RANBP2: variants seen among roughly 807,000 people sequenced by gnomAD.
RANBP2 encodes RAN binding protein 2.
A neutral mutation model predicts 303.6 loss-of-function variants in RANBP2; 57 were observed. The ratio of observed to expected loss-of-function variants is 0.19; its 90% CI spans 0.15 to 0.23. The LOEUF (loss-of-function observed/expected upper bound fraction) is 0.23, where lower values mean the gene tolerates loss of function less well. RANBP2 is among the 10% of genes least tolerant of loss of function. RANBP2 has a pLI of 1.00. For missense variants in RANBP2, 3,138 were observed against 3,780.8 expected (o/e 0.83, Z 4.46); for synonymous variants, 1,167 against 1,301.5 (o/e 0.90, Z 2.23).
At chr2:108,968,519 A>G in the RANBP2 span, among the ~76,000 whole-genome samples, 1 of 152,168 alleles carries the variant, frequency 6.6e-6, no homozygotes, top group Non-Finnish European at 1.5e-5. Flanking sequence ...CTTGTTGAGA[A>G]TTGGAGCAGA....
the RANBP2 span, among the ~76,000 whole-genome samples, chr2:109,361,155 T>C: frequency 6.6e-6 from 1 of 152,240 alleles, no homozygotes; most frequent in African/African-American, 2.4e-5. Flanking sequence ...TGAGCCAGCC[T>C]TGCATACCTG....
At chr2:109,130,118 G>A in the RANBP2 span, 18 of 1,302,008 alleles carry the variant, frequency 1.4e-5, no homozygotes, top group Non-Finnish European at 1.7e-5. Flanking sequence ...GCAAAGGTGA[G>A]TATCTGTCTC....
At chr2:109,422,646 C>T in the RANBP2 span, among the ~76,000 whole-genome samples, 2 of 152,136 alleles carry the variant, frequency 1.3e-5, no homozygotes, top group Non-Finnish European at 2.9e-5. Flanking sequence ...TCTGGCAGAC[C>T]TGCTGTGATT....
downstream of RANBP2, chr2:108,789,097 G>A (rs1436365128): frequency 4.0e-6 from 3 of 756,346 alleles, no homozygotes; most frequent in Admixed American, 8.8e-5. Context: ...GCAGTCTGGA[G>A]CCTGCTAAAT....
intron 25 of RANBP2, among the ~76,000 whole-genome samples, chr2:108,779,499 C>G (rs1678096393): frequency 1.3e-5 from 2 of 152,048 alleles, no homozygotes; most frequent in Non-Finnish European, 2.9e-5. Flanking sequence ...TTTTTCCCCT[C>G]CATTAAATCT....
At chr2:108,855,058 T>C in the RANBP2 span, among the ~76,000 whole-genome samples, 5 of 152,266 alleles carry the variant, frequency 3.3e-5, no homozygotes, top group South Asian at 8.3e-4. Flanking sequence ...CTGAATAATA[T>C]AGCATTTATA....
chr2:108,809,694 T>C, the RANBP2 span, among the ~76,000 whole-genome samples: 4 of 152,228 alleles, frequency 2.6e-5, no homozygotes, highest in Non-Finnish European at 5.9e-5. Flanking sequence ...CCTTCAACTT[T>C]ACCAAATTTA....
chr2:108,907,819 C>A, the RANBP2 span: 13 of 1,609,670 alleles, frequency 8.1e-6, no homozygotes, highest in African/African-American at 1.3e-5. Flanking sequence ...TGTGAGGGAG[C>A]CACATCTCAC....
At chr2:109,478,556 A>G in the RANBP2 span, among the ~76,000 whole-genome samples, 3 of 152,186 alleles carry the variant, frequency 2.0e-5, no homozygotes, top group African/African-American at 7.2e-5. Context: ...ATTCTTCTCT[A>G]TTATTTGGAT....
chr2:109,694,393 G>A, the RANBP2 span, among the ~76,000 whole-genome samples: 1 of 148,278 alleles, frequency 6.7e-6, no homozygotes, highest in South Asian at 2.1e-4. Flanking sequence ...AGAGCTGTGA[G>A]CCAACTAAAC....
chr2:109,593,040 G>T, the RANBP2 span: 1 of 1,560,554 alleles, frequency 6.4e-7, no homozygotes, highest in Non-Finnish European at 8.7e-7. Context: ...CTATTTAAAA[G>T]ACATACTCAC....
In RANBP2 at chr2:108,751,941, C is replaced by T. The variant is rs1675916733; in HGVS notation, c.1702C>T (p.His568Tyr). 3 of 1,611,872 alleles carry T rather than the reference C, an allele frequency of 1.9e-6. No individual in the cohort carries two copies. Among genetic ancestry groups the T allele is most frequent in the Non-Finnish European group, 2.5e-6 (3 of 1,179,866 alleles). ...EINTLRAQEK[H>Y]GLQPALLVHW... ...AAACACTCTAAGAGCCCAGGAAAAA[C>T]ATGGCCTTCAACCTGCTCTGCTTGT... The change falls in exon 12 of 29, where the codon CAT becomes TAT. Residue 568 changes from histidine to tyrosine, a missense_variant. Coordinates refer to ENST00000283195, the MANE Select transcript of RANBP2 (RefSeq NM_006267.5).
At chr2:109,085,494 G>A in the RANBP2 span, among the ~76,000 whole-genome samples, 1 of 151,558 alleles carries the variant, frequency 6.6e-6, no homozygotes, top group Non-Finnish European at 1.5e-5. Flanking sequence ...TAGTAGAGAT[G>A]GGATTTCACC....
the RANBP2 span, among the ~76,000 whole-genome samples, chr2:109,727,384 A>G: frequency 6.6e-6 from 1 of 152,154 alleles, no homozygotes; most frequent in Non-Finnish European, 1.5e-5. Flanking sequence ...AGATGGGAAA[A>G]TGAAGGTCAA....
At chr2:109,553,111 G>A in the RANBP2 span, 1 of 1,612,866 alleles carries the variant, frequency 6.2e-7, no homozygotes, top group East Asian at 2.2e-5. Flanking sequence ...CTTTCAATAT[G>A]GCTTCTTTCT....
At chr2:108,926,223 A>G in the RANBP2 span, among the ~76,000 whole-genome samples, 1 of 152,152 alleles carries the variant, frequency 6.6e-6, no homozygotes. Flanking sequence ...TGGCCCAGCT[A>G]CAGAGTGTCC....
the RANBP2 span, among the ~76,000 whole-genome samples, chr2:109,429,771 A>G: frequency 1.3e-5 from 2 of 152,196 alleles, no homozygotes; most frequent in Admixed American, 6.5e-5. Flanking sequence ...CATGTGCAAG[A>G]AGGCCACAGA....
At chr2:109,368,932 T>C in the RANBP2 span, among the ~76,000 whole-genome samples, 1 of 147,010 alleles carries the variant, frequency 6.8e-6, no homozygotes, top group African/African-American at 2.6e-5. Context: ...AATCATGCCT[T>C]GGGCCTCTGC....
chr2:109,466,072 C>CTTTTTTT, the RANBP2 span, among the ~76,000 whole-genome samples: 180 of 82,372 alleles, frequency 2.2e-3, no homozygotes, highest in Non-Finnish European at 2.6e-3. Flanking sequence ...ACCTGTACAT[C>CTTTTTTT]TTTTTTTTTT....
Sources: allele counts gnomAD v4.1 joint callset (sites outside exome capture counted in the v4.1 genomes callset), GRCh38; gene constraint gnomAD v4.1.1; transcripts MANE v1.5; gene names NCBI Gene and HGNC (gene_info 2026-07-23, HGNC 2026-07-21).